The following ST7L variants were observed in gnomAD, a reference collection of about 807,000 sequenced individuals.
The protein encoded by ST7L is suppression of tumorigenicity 7 like.
A neutral mutation model predicts 72.5 loss-of-function variants in ST7L; 57 were observed. The ratio of observed to expected loss-of-function variants is 0.79; its 90% CI spans 0.64 to 0.98. The LOEUF (loss-of-function observed/expected upper bound fraction) is 0.98, where lower values mean the gene tolerates loss of function less well. Among genes scored for constraint, ST7L ranks in the 50% least tolerant of loss-of-function variants. ST7L has a pLI of 0.00. For missense variants in ST7L, 576 were observed against 672.2 expected, an observed-to-expected ratio of 0.86 and a Z score of 1.58; for synonymous variants, 221 against 240.9, an observed-to-expected ratio of 0.92 and a Z score of 0.77.
intron 12 of ST7L, 82 bp downstream of exon 12, chr1:112,555,786 G>C (rs913531907): frequency 1.6e-6 from 2 of 1,284,866 alleles, no homozygotes; most frequent in African/African-American, 1.5e-5. Context: ...TGGAAACCCA[G>C]ACAATCTCAT....
In ST7L at chr1:112,525,736, C is replaced by G. The variant is rs1481483652; in HGVS notation, c.*277G>C. 1 of 296,138 alleles carries G rather than the reference C, an allele frequency of 3.4e-6. No homozygotes were observed. Among genetic ancestry groups the G allele is most frequent in the East Asian group, 6.1e-5 (1 of 16,314 alleles). The allele number at this position is 296,138 out of a possible 1,614,324, so 18.3% of individuals were successfully genotyped here. On this transcript the variant is annotated 3_prime_UTR_variant, in exon 15 of 15. Coordinates refer to ENST00000358039, the MANE Select transcript of ST7L (RefSeq NM_017744.5). ...AAAATGCGGTGACTTGACTTCAACC[C>G]CAACAGCCCCTGTAAGTAGCCCTGG...
At chr1:112,607,857 G>C (rs758573175) in intron 3 of ST7L, among the ~76,000 whole-genome samples, 1 of 152,086 alleles carries the variant, frequency 6.6e-6, no homozygotes, top group African/African-American at 2.4e-5. Flanking sequence ...TTCTAGCAAA[G>C]AGTTAGAAAT....
intron 11 of ST7L, among the ~76,000 whole-genome samples, chr1:112,566,399 G>A (rs1661055469): frequency 6.9e-6 from 1 of 144,696 alleles, no homozygotes; most frequent in South Asian, 2.2e-4. Flanking sequence ...CTGGGTTCAA[G>A]TGATTCTCCT....
chr1:112,545,069 A>G (rs989611573), intron 13 of ST7L, among the ~76,000 whole-genome samples: 1 of 152,230 alleles, frequency 6.6e-6, no homozygotes, highest in African/African-American at 2.4e-5. Flanking sequence ...GCGGTAAGTC[A>G]TATCAAAGTT....
In ST7L at chr1:112,610,829, A is replaced by G. The variant is rs1294732069; in HGVS notation, c.451+12T>C. 6.2e-7 allele frequency: 1 copy of G among 1,612,866 alleles called. No individual in the cohort carries two copies. Reference sequence around the variant, plus strand: ...ATACACAGCTCTGAAAACACATTAGAAAAGTAGTCACCTGACAAATTCTGT... The same window carrying G: ...ATACACAGCTCTGAAAACACATTAGGAAAGTAGTCACCTGACAAATTCTGT... On this transcript the variant is annotated intron_variant, in intron 3 of 14. Coordinates refer to ENST00000358039, the MANE Select transcript of ST7L (RefSeq NM_017744.5).
At chr1:112,602,442 CAAT>C (rs1331179353) in intron 3 of ST7L, among the ~76,000 whole-genome samples, 1 of 152,170 alleles carries the variant, frequency 6.6e-6, no homozygotes, top group East Asian at 1.9e-4. Context: ...GATGAAAAGT[CAAT>C]GATGGGTAAA....
chr1:112,616,302 A>G (rs1669859062), intron 2 of ST7L, among the ~76,000 whole-genome samples: 1 of 152,238 alleles, frequency 6.6e-6, no homozygotes, highest in African/African-American at 2.4e-5. Context: ...TTTAATATGT[A>G]AATAAATACT....
intron 4 of ST7L, among the ~76,000 whole-genome samples, chr1:112,599,059 C>CAAAA (rs761424885): frequency 0.11 from 556 of 5,160 alleles, 161 homozygotes; most frequent in Non-Finnish European, 0.14. Flanking sequence ...GACTCAGCCT[C>CAAAA]AAAAAAAAAA....
chr1:112,564,487 G>A (rs373164262), intron 11 of ST7L, among the ~76,000 whole-genome samples: 26 of 152,118 alleles, frequency 1.7e-4, no homozygotes, highest in African/African-American at 5.3e-4. Flanking sequence ...TATATATGCC[G>A]GTGCTATGAT....
In ST7L at chr1:112,556,029, AAC is replaced by A; in HGVS notation, c.1246-13_1246-12del. ...CATCTCTAATAAATACTGAAAGAGTAACACACAGACACATATACACACAACAG... is the reference window on the plus strand; with the variant it reads ...CATCTCTAATAAATACTGAAAGAGTAACACAGACACATATACACACAACAG... On this transcript the variant is annotated splice_polypyrimidine_tract_variant and intron_variant, in intron 11 of 14. Transcript: ENST00000358039. 2 of 1,583,218 alleles carry A rather than the reference AAC, an allele frequency of 1.3e-6. No homozygotes were observed. Among genetic ancestry groups the A allele is most frequent in the Admixed American group, 1.8e-5 (1 of 55,850 alleles).
chr1:112,568,879 TATATATATAA>T (rs1481762124), intron 11 of ST7L, among the ~76,000 whole-genome samples: 2 of 140,374 alleles, frequency 1.4e-5, no homozygotes, highest in African/African-American at 5.4e-5. Context: ...TATATATATA[TATATATATAA>T]AACAAAAATT....
At position 112,570,433 on chromosome 1, in the gene ST7L, T is replaced by C. The variant is rs144657342; in HGVS notation, c.1245+6553A>G. Among the ~76,000 whole-genome samples, 16 of 152,016 alleles carry C rather than the reference T, an allele frequency of 1.1e-4. No homozygotes were observed. In the East Asian group the frequency reaches 1.7e-3, roughly 17 times the overall value. On this transcript the variant is annotated intron_variant, in intron 11 of 14. Transcript: ENST00000358039. ...AGACCTACAGCCATTTCTGTTGTAG[T>C]TATGTGGAAAGTTGCCAAAAATATT... is the stretch of plus-strand genomic sequence containing the variant.
intron 3 of ST7L, 130 bp from the exon 4 acceptor site, chr1:112,600,978 T>C: frequency 1.4e-6 from 1 of 728,682 alleles, no homozygotes; most frequent in East Asian, 2.8e-5. Context: ...GAATAAAGCA[T>C]GCTTTCAAAA....
At chr1:112,537,960 T>TA (rs1288365112) in intron 14 of ST7L, among the ~76,000 whole-genome samples, 28 of 152,258 alleles carry the variant, frequency 1.8e-4, no homozygotes, top group Non-Finnish European at 2.4e-4. Flanking sequence ...GAGAATTATT[T>TA]AAAATCAGTG....
At chr1:112,598,576 C>T (rs1666843087) in intron 4 of ST7L, among the ~76,000 whole-genome samples, 1 of 149,646 alleles carries the variant, frequency 6.7e-6, no homozygotes, top group South Asian at 2.2e-4. Context: ...ATAGCGAGAT[C>T]TTATCTCTAT....
intron 6 of ST7L, among the ~76,000 whole-genome samples, chr1:112,591,086 A>C (rs1283331919): frequency 6.6e-6 from 1 of 151,852 alleles, no homozygotes; most frequent in Non-Finnish European, 1.5e-5. Flanking sequence ...GCTCGCCCCC[A>C]TGCCCGGCTA....
At chr1:112,538,218 G>A (rs1022672624) in intron 14 of ST7L, among the ~76,000 whole-genome samples, 8 of 152,206 alleles carry the variant, frequency 5.3e-5, no homozygotes, top group African/African-American at 1.7e-4. Context: ...AACTGGAAAT[G>A]CTAACACAGA....
chr1:112,557,811 G>C lies in ST7L; in HGVS notation c.1246-1793C>G, dbSNP rs371712850. 1.1e-3 allele frequency among the ~76,000 whole-genome samples: 167 copies of C among 152,248 alleles called. 2 individuals carry two copies. Among genetic ancestry groups the C allele is most frequent in the Non-Finnish European group, 1.8e-3 (122 of 68,030 alleles). On this transcript the variant is annotated intron_variant, in intron 11 of 14. Transcript: ENST00000358039. Reference sequence around the variant, plus strand: ...CTTGAATAAAGGCACTGAACCAAGAGAGCATACTGCAGGATACATTTAATG... The same window carrying C: ...CTTGAATAAAGGCACTGAACCAAGACAGCATACTGCAGGATACATTTAATG...
At chr1:112,606,650 G>A (rs1381742014) in intron 3 of ST7L, among the ~76,000 whole-genome samples, 1 of 152,274 alleles carries the variant, frequency 6.6e-6, no homozygotes, top group East Asian at 1.9e-4. Context: ...AGTCAGCTCA[G>A]GTTGCCATAA....
Sources: gnomAD v4.1 joint callset for allele counts (sites outside exome capture counted in the v4.1 genomes callset) on GRCh38, gnomAD v4.1.1 for gene constraint, MANE v1.5 for transcripts, NCBI Gene and HGNC (gene_info 2026-07-23, HGNC 2026-07-21) for gene names.